TNS3: variants seen among roughly 807,000 people sequenced by gnomAD.
TNS3 encodes tensin 3, also known as tensin-3.
A neutral mutation model predicts 140.9 loss-of-function variants in TNS3; 45 were observed. That is an observed-to-expected ratio of 0.32 (90% CI 0.25 to 0.41). The LOEUF is 0.41. TNS3 is among the 10% of genes least tolerant of loss of function. The pLI is 1.00. For missense variants in TNS3, 1,716 were observed against 1,906.7 expected (o/e 0.90, Z 1.86); for synonymous variants, 815 against 788.4 (o/e 1.03, Z -0.56).
At chr7:47,548,701 C>T (rs1799985398) in intron 1 of TNS3, among the ~76,000 whole-genome samples, 1 of 152,108 alleles carries the variant, frequency 6.6e-6, no homozygotes, top group South Asian at 2.1e-4. Flanking sequence ...TGAATGCACC[C>T]CCAGGCCGGC....
Position 47,442,163 on chromosome 7 carries a change from T to C in TNS3, c.-75-108A>G. On this transcript the variant is annotated intron_variant, in intron 4 of 30. Transcript: ENST00000311160. ...TGACAGCCGTTCCACAGTTTAATCA[T>C]AAACAGCAAGTCAATCGTAACTACA... 4 of 661,094 alleles carry C rather than the reference T, an allele frequency of 6.1e-6. No individual in the cohort carries two copies. In the South Asian group the frequency reaches 7.4e-5, roughly 12 times the overall value. The allele number at this position is 661,094 out of a possible 1,614,324, so 41.0% of individuals were successfully genotyped here.
In TNS3 at chr7:47,369,293, G is replaced by A. The variant is rs774764613; in HGVS notation, c.1353C>T (p.Tyr451=). Reference sequence around the variant, plus strand: ...CTGGCACCACGTGGCGGGTCCCACTGTACTTGCTTCGAGCATCAGTCATTT... The same window carrying A: ...CTGGCACCACGTGGCGGGTCCCACTATACTTGCTTCGAGCATCAGTCATTT... The part of the protein sequence containing the change: ...LKEMTDARSK[Y]SGTRHVVPAQ... Residue 451 remains tyrosine (Y), a synonymous_variant, in exon 17 of 31, where the codon TAC becomes TAT. Transcript: ENST00000311160. 6.8e-6 allele frequency: 11 copies of A among 1,614,200 alleles called. No individual in the cohort carries two copies. Among genetic ancestry groups the A allele is most frequent in the Non-Finnish European group, 8.5e-7 (1 of 1,180,050 alleles).
intron 20 of TNS3, among the ~76,000 whole-genome samples, chr7:47,332,683 C>A (rs745978886): frequency 6.6e-6 from 1 of 152,182 alleles, no homozygotes; most frequent in Non-Finnish European, 1.5e-5. Flanking sequence ...GTTACACTAC[C>A]GTATTCACAG....
chr7:47,581,353 C>T (rs1281742474), intron 1 of TNS3: 1 of 150,712 alleles, frequency 6.6e-6, no homozygotes, highest in African/African-American at 2.4e-5. Flanking sequence ...CCCCGAGGTC[C>T]CGTCCTTCAG....
chr7:47,309,261 C>T (rs1786939543), intron 20 of TNS3, among the ~76,000 whole-genome samples: 1 of 152,142 alleles, frequency 6.6e-6, no homozygotes, highest in South Asian at 2.1e-4. Context: ...AAGCATACAT[C>T]TCTAATCTTT....
At chr7:47,524,416 C>G (rs1443758968) in intron 2 of TNS3, among the ~76,000 whole-genome samples, 3 of 152,216 alleles carry the variant, frequency 2.0e-5, no homozygotes, top group Admixed American at 6.5e-5. Flanking sequence ...GCTGAGGCGC[C>G]CAGAGCCACG....
chr7:47,399,847 C>T (rs1367077688), intron 15 of TNS3, among the ~76,000 whole-genome samples: 2 of 152,158 alleles, frequency 1.3e-5, no homozygotes, highest in African/African-American at 4.8e-5. Flanking sequence ...AACTAAAAAT[C>T]TTCTGTACCA....
intron 8 of TNS3, among the ~76,000 whole-genome samples, chr7:47,434,523 G>A (rs536291198): frequency 2.0e-5 from 3 of 152,288 alleles, no homozygotes; most frequent in Admixed American, 1.3e-4. Context: ...TTTCTGGCAG[G>A]AGGGTTAAGC....
intron 1 of TNS3, among the ~76,000 whole-genome samples, chr7:47,545,110 C>T (rs1799884763): frequency 1.3e-5 from 2 of 150,500 alleles, no homozygotes; most frequent in African/African-American, 4.9e-5. Context: ...TAAACTCTTC[C>T]GTGATAATAC....
intron 3 of TNS3, chr7:47,481,602 A>G (rs1584749767): frequency 4.2e-6 from 4 of 951,998 alleles, no homozygotes; most frequent in Non-Finnish European, 5.0e-6. Flanking sequence ...CATCTTTTCT[A>G]GAACTATTTC....
intron 20 of TNS3, among the ~76,000 whole-genome samples, chr7:47,344,334 T>A (rs953995485): frequency 2.0e-5 from 3 of 152,072 alleles, no homozygotes; most frequent in Non-Finnish European, 4.4e-5. Flanking sequence ...CACCCACTAA[T>A]AACAGACAGG....
chr7:47,509,097 A>G (rs1297605273), intron 2 of TNS3, among the ~76,000 whole-genome samples: 1 of 152,232 alleles, frequency 6.6e-6, no homozygotes, highest in African/African-American at 2.4e-5. Context: ...TTTGTCATGC[A>G]ACACGCCAAC....
chr7:47,519,501 C>G (rs1798891973), intron 2 of TNS3, among the ~76,000 whole-genome samples: 1 of 152,200 alleles, frequency 6.6e-6, no homozygotes, highest in African/African-American at 2.4e-5. Flanking sequence ...GGTGGGGCCA[C>G]TCATCACCAT....
intron 1 of TNS3, among the ~76,000 whole-genome samples, chr7:47,537,046 C>T (rs1436669371): frequency 6.6e-6 from 1 of 151,780 alleles, no homozygotes; most frequent in Non-Finnish European, 1.5e-5. Flanking sequence ...CCGGCGCCGG[C>T]GCGACCGGGT....
chr7:47,554,945 T>C (rs1800156833), intron 1 of TNS3, among the ~76,000 whole-genome samples: 1 of 151,728 alleles, frequency 6.6e-6, no homozygotes, highest in Admixed American at 6.6e-5. Context: ...GGAGGATCGC[T>C]TGAACCCGGG....
intron 28 of TNS3, 56 bp from the exon 29 acceptor site, chr7:47,280,410 G>A: frequency 1.3e-6 from 2 of 1,536,850 alleles, no homozygotes; most frequent in Non-Finnish European, 1.8e-6. Flanking sequence ...TTTGGGTGAT[G>A]GGGGATGCAC....
At chr7:47,504,935 G>A (rs1045948056) in intron 3 of TNS3, among the ~76,000 whole-genome samples, 8 of 152,172 alleles carry the variant, frequency 5.3e-5, no homozygotes, top group Non-Finnish European at 7.3e-5. Flanking sequence ...AATTGCTGCC[G>A]TTAGAAATTC....
At chr7:47,290,642 G>A (rs915468654) in intron 27 of TNS3, among the ~76,000 whole-genome samples, 3 of 152,160 alleles carry the variant, frequency 2.0e-5, no homozygotes, top group Non-Finnish European at 2.9e-5. Context: ...ATACCACTAC[G>A]CTACTATTAG....
chr7:47,489,164 GC>G (rs1464969868), intron 3 of TNS3, among the ~76,000 whole-genome samples: 3 of 152,110 alleles, frequency 2.0e-5, no homozygotes. Flanking sequence ...GAAAACACCC[GC>G]CCGGCAGACG....
Sources: gnomAD v4.1 joint callset for allele counts (sites outside exome capture counted in the v4.1 genomes callset) on GRCh38, gnomAD v4.1.1 for gene constraint, MANE v1.5 for transcripts, NCBI Gene and HGNC (gene_info 2026-07-23, HGNC 2026-07-21) for gene names.